The following USP9X variants were observed in gnomAD, a reference collection of about 807,000 sequenced individuals.
USP9X encodes ubiquitin carboxyl-terminal hydrolase 9X.
USP9X carries 7 observed loss-of-function variants against 190.3 expected under a neutral mutation model. The ratio of observed to expected loss-of-function variants is 0.04; its 90% CI spans 0.02 to 0.07. The LOEUF is 0.07. USP9X is among the 10% of genes least tolerant of loss of function. USP9X has a pLI of 1.00. For synonymous variants in USP9X, 645 were observed against 659.5 expected, an observed-to-expected ratio of 0.98 and a Z score of 0.34; for missense variants, 1,010 against 1,916.9, an observed-to-expected ratio of 0.53 and a Z score of 8.83.
In USP9X at chrX:41,087,532, A is replaced by T. The variant is rs191885476; in HGVS notation, c.-159+1423A>T. Among the ~76,000 whole-genome samples, 21 of 112,698 alleles carry T rather than the reference A, an allele frequency of 1.9e-4. 1 individual carries two copies. In the Admixed American group the frequency reaches 1.9e-3, roughly 10 times the overall value. On this transcript the variant is annotated intron_variant, in intron 1 of 44. Transcript: ENST00000378308. ...AAGAATTATGTATTAAATATAAAAA[A>T]GTGTCAACATTCGTTTTCTCAATTT...
intron 14 of USP9X, among the ~76,000 whole-genome samples, chrX:41,158,532 A>C (rs758170159): frequency 1.4e-4 from 15 of 105,057 alleles, no homozygotes; most frequent in Non-Finnish European, 2.6e-4. Context: ...TCCCAGATAA[A>C]CAAAGACTGA....
At position 41,219,241 on chromosome X, in the gene USP9X, T is replaced by G; in HGVS notation, c.6565+10T>G. 1 of 1,202,306 alleles carries G rather than the reference T, an allele frequency of 8.3e-7. No individual in the cohort carries two copies. On this transcript the variant is annotated intron_variant, in intron 38 of 44. Coordinates refer to ENST00000378308, the MANE Select transcript of USP9X (RefSeq NM_001039591.3). Reference sequence around the variant, plus strand: ...ATGTATGCCAATTTAGGTAAGAATTTAAGTTTTTCAGAATTCTGTTTTGAT... The same window carrying G: ...ATGTATGCCAATTTAGGTAAGAATTGAAGTTTTTCAGAATTCTGTTTTGAT...
At chrX:41,164,662 C>T (rs1312567774) in intron 15 of USP9X, among the ~76,000 whole-genome samples, 2 of 111,976 alleles carry the variant, frequency 1.8e-5, no homozygotes, top group South Asian at 3.7e-4. Context: ...ATATTTACTC[C>T]GAAGCAACAC....
At chrX:41,204,380 G>A (rs1431260450) in intron 31 of USP9X, among the ~76,000 whole-genome samples, 5 of 106,277 alleles carry the variant, frequency 4.7e-5, no homozygotes. Context: ...AGAAATCACT[G>A]CCAAATCCAG....
chrX:41,197,347 C>T lies in USP9X; in HGVS notation c.4234-17C>T. 1 of 840,360 alleles carries T rather than the reference C, an allele frequency of 1.2e-6. No homozygotes were observed. The allele number at this position is 840,360 out of a possible 1,213,427, so 69.3% of individuals were successfully genotyped here. A position where few individuals can be genotyped will look rare whatever the true frequency, so the allele number is the denominator to read the frequency against. ...TTGATTTCTTCCCCCCCCCACCCCA[C>T]CCCCCGCCTTTGGCAGGATGATGTT... On this transcript the variant is annotated splice_polypyrimidine_tract_variant and intron_variant, in intron 28 of 44. Transcript: ENST00000378308.
intron 1 of USP9X, among the ~76,000 whole-genome samples, chrX:41,098,703 C>A (rs1295714654): frequency 9.2e-6 from 1 of 108,505 alleles, no homozygotes; most frequent in African/African-American, 3.4e-5. Flanking sequence ...TTACAGGCGC[C>A]TGCCACCACA....
intron 1 of USP9X, among the ~76,000 whole-genome samples, chrX:41,099,067 C>G (rs370005561): frequency 9.9e-6 from 1 of 101,143 alleles, no homozygotes; most frequent in Non-Finnish European, 2.0e-5. Flanking sequence ...GCTGGGACCA[C>G]GACCACATGC....
chrX:41,192,509 A>G (rs886837389), intron 26 of USP9X, among the ~76,000 whole-genome samples: 1 of 112,120 alleles, frequency 8.9e-6, no homozygotes, highest in Non-Finnish European at 1.9e-5. Context: ...GATCCGAGAA[A>G]GCATTTGACT....
At chrX:41,157,010 A>G (rs923021332) in intron 14 of USP9X, among the ~76,000 whole-genome samples, 1 of 111,941 alleles carries the variant, frequency 8.9e-6, no homozygotes, top group African/African-American at 3.2e-5. Flanking sequence ...ACGTGTATGC[A>G]TTAGGCTTCA....
intron 31 of USP9X, among the ~76,000 whole-genome samples, chrX:41,202,690 T>TA (rs1281186705): frequency 9.0e-6 from 1 of 111,511 alleles, no homozygotes; most frequent in African/African-American, 3.3e-5. Flanking sequence ...AAAGGACACT[T>TA]ATACCCATAC....
At chrX:41,162,690 GATT>G in intron 14 of USP9X, 97 bp from the exon 15 acceptor site, 4 of 605,931 alleles carry the variant, frequency 6.6e-6, no homozygotes, top group Non-Finnish European at 9.6e-6. Flanking sequence ...AATGATAAAG[GATT>G]AGTGACATTT....
chrX:41,140,640 A>ACC lies in USP9X; in HGVS notation c.655-16_655-15insCC. The ACC allele has an allele frequency of 3.4e-6, 4 of 1,162,165 alleles. No individual in the cohort carries two copies. Among genetic ancestry groups the ACC allele is most frequent in the Non-Finnish European group, 3.5e-6 (3 of 861,800 alleles). ...TTAAAGTAGGAAGTTAACTTTTTTC[A>ACC]TTAATTGTGTTACAGGGTTGGCTAG... On this transcript the variant is annotated splice_polypyrimidine_tract_variant and intron_variant, in intron 6 of 44. Transcript: ENST00000378308.
chrX:41,108,964 TG>T (rs1263014427), intron 1 of USP9X, among the ~76,000 whole-genome samples: 1 of 110,910 alleles, frequency 9.0e-6, no homozygotes, highest in African/African-American at 3.3e-5. Flanking sequence ...AACTCAAAGT[TG>T]GGGGTGTTGA....
intron 2 of USP9X, 56 bp downstream of exon 2, chrX:41,123,780 C>A: frequency 9.2e-7 from 1 of 1,083,496 alleles, no homozygotes. Flanking sequence ...CAGTGGTTCA[C>A]ATCTGTAATC....
intron 25 of USP9X, 55 bp downstream of exon 25, chrX:41,188,172 A>T (rs2062899122): frequency 9.2e-7 from 1 of 1,083,545 alleles, no homozygotes; most frequent in African/African-American, 1.8e-5. Context: ...TTAATTGTGC[A>T]TGTGGTTTGA....
At position 41,210,533 on chromosome X, in the gene USP9X, G is replaced by C. The variant is rs2063148598; in HGVS notation, c.5040G>C (p.Leu1680=). Residue 1680 remains leucine (L), a synonymous_variant, in exon 33 of 45, where the codon CTG becomes CTC. Transcript: ENST00000378308. ...QFRLWGEPVN[L]REQHDALEFF... is the part of the protein sequence containing the mutation. ...GGCTTTGGGGTGAGCCTGTTAATCTGCGTGAACAACACGATGCTTTAGAAT... is the reference window on the plus strand; with the variant it reads ...GGCTTTGGGGTGAGCCTGTTAATCTCCGTGAACAACACGATGCTTTAGAAT... The C allele has an allele frequency of 8.3e-6, 10 of 1,209,466 alleles. No individual in the cohort carries two copies. The highest frequency in any genetic ancestry group is 1.1e-5 in the Non-Finnish European group (10 of 895,165).
intron 1 of USP9X, among the ~76,000 whole-genome samples, chrX:41,102,329 G>A (rs2062040023): frequency 8.9e-6 from 1 of 111,857 alleles, no homozygotes; most frequent in Non-Finnish European, 1.9e-5. Context: ...CATAAAAAAT[G>A]TTACTAGACT....
At chrX:41,097,781 A>G (rs781471985) in intron 1 of USP9X, among the ~76,000 whole-genome samples, 61 of 111,591 alleles carry the variant, frequency 5.5e-4, no homozygotes, top group African/African-American at 1.8e-3. Flanking sequence ...GAAGAACTCC[A>G]TAGTACACTT....
intron 14 of USP9X, among the ~76,000 whole-genome samples, chrX:41,155,302 G>C (rs2062567164): frequency 8.9e-6 from 1 of 111,868 alleles, no homozygotes; most frequent in Non-Finnish European, 1.9e-5. Context: ...ATTTACTCAT[G>C]TTCTCACTAC....
Sources: gnomAD v4.1 joint callset for allele counts (sites outside exome capture counted in the v4.1 genomes callset) on GRCh38, gnomAD v4.1.1 for gene constraint, MANE v1.5 for transcripts, NCBI Gene and HGNC (gene_info 2026-07-23, HGNC 2026-07-21) for gene names.